The following FGF10 variants were observed in gnomAD, a reference collection of about 807,000 sequenced individuals.
The protein encoded by FGF10 is fibroblast growth factor 10, also known as FGF-10.
A neutral mutation model predicts 19.8 loss-of-function variants in FGF10; 2 were observed. The ratio of observed to expected loss-of-function variants is 0.10; its 90% CI spans 0.04 to 0.32. The LOEUF (loss-of-function observed/expected upper bound fraction) is 0.32. Among genes scored for constraint, FGF10 ranks in the 10% least tolerant of loss-of-function variants. FGF10 has a pLI of 1.00. For synonymous variants in FGF10, 112 were observed against 94.0 expected, an observed-to-expected ratio of 1.19 and a Z score of -1.10; for missense variants, 191 against 246.3, an observed-to-expected ratio of 0.78 and a Z score of 1.50.
intron 1 of FGF10, among the ~76,000 whole-genome samples, chr5:44,345,321 G>A (rs1579920675): frequency 1.3e-5 from 2 of 150,514 alleles, no homozygotes; most frequent in East Asian, 3.9e-4. Flanking sequence ...TGAACAAATA[G>A]AATTTAACCA....
intron 1 of FGF10, among the ~76,000 whole-genome samples, chr5:44,349,453 T>TAAGAATATATATATATATCAGA (rs1741179331): frequency 1.7e-4 from 4 of 23,070 alleles, no homozygotes; most frequent in South Asian, 1.6e-3. Flanking sequence ...TATATATATA[T>TAAGAATATATATATATATCAGA]ATATATATAT....
chr5:44,321,791 T>G (rs1740496595), intron 1 of FGF10, among the ~76,000 whole-genome samples: 1 of 152,166 alleles, frequency 6.6e-6, no homozygotes, highest in Admixed American at 6.5e-5. Context: ...AGACAGAATC[T>G]CACTCTGTTG....
intron 1 of FGF10, among the ~76,000 whole-genome samples, chr5:44,346,271 T>C (rs976652328): frequency 6.6e-6 from 1 of 151,774 alleles, no homozygotes; most frequent in African/African-American, 2.4e-5. Context: ...GTCAGTGCTA[T>C]CCAAAACCAT....
In FGF10 at chr5:44,312,842, G is replaced by T. The variant is rs1579896040; in HGVS notation, c.326-2312C>A. Among the ~76,000 whole-genome samples the T allele has an allele frequency of 2.0e-5, 3 of 152,186 alleles. No individual in the cohort carries two copies. The East Asian group carries it at 5.8e-4, about 29-fold the overall frequency. On this transcript the variant is annotated intron_variant, in intron 1 of 2. Coordinates refer to ENST00000264664, the MANE Select transcript of FGF10 (RefSeq NM_004465.2). ...AAAATAAACCAATATTTGTGAAGGTGCATGCAACGTCCTGGGATTAAACTA... is the reference window on the plus strand; with the variant it reads ...AAAATAAACCAATATTTGTGAAGGTTCATGCAACGTCCTGGGATTAAACTA...
chr5:44,366,021 T>C (rs1373362060), intron 1 of FGF10, among the ~76,000 whole-genome samples: 1 of 151,892 alleles, frequency 6.6e-6, no homozygotes, highest in African/African-American at 2.4e-5. Context: ...TCACCTTTGA[T>C]TTGATCTTTT....
At chr5:44,353,010 T>C (rs1741269628) in intron 1 of FGF10, among the ~76,000 whole-genome samples, 1 of 151,646 alleles carries the variant, frequency 6.6e-6, no homozygotes, top group South Asian at 2.1e-4. Context: ...TTTCTTAGTA[T>C]GACACAATGC....
At chr5:44,367,515 A>G (rs1005097343) in intron 1 of FGF10, among the ~76,000 whole-genome samples, 1 of 152,032 alleles carries the variant, frequency 6.6e-6, no homozygotes, top group Admixed American at 6.6e-5. Flanking sequence ...ACAGGAACTG[A>G]AGCCATACTA....
At position 44,301,117 on chromosome 5, in the gene FGF10, T is replaced by C; in HGVS notation, c.*3878A>G. ...GAGCATCCTTCAAAGATATTCCTCT[T>C]CCTTTTTATTTTTTTTTCAGTTTAA... On this transcript the variant is annotated 3_prime_UTR_variant, in exon 3 of 3. Transcript: ENST00000264664. 6.6e-6 allele frequency among the ~76,000 whole-genome samples: 1 copy of C among 152,074 alleles called. No homozygotes were observed. Among genetic ancestry groups the C allele is most frequent in the East Asian group, 1.9e-4 (1 of 5,182 alleles).
At chr5:44,307,574 TC>T (rs1423293990) in intron 2 of FGF10, among the ~76,000 whole-genome samples, 1 of 152,112 alleles carries the variant, frequency 6.6e-6, no homozygotes, top group Non-Finnish European at 1.5e-5. Flanking sequence ...GGAAGATAAT[TC>T]AAGAGAATAG....
chr5:44,369,218 C>A (rs921616863), intron 1 of FGF10, among the ~76,000 whole-genome samples: 2 of 152,072 alleles, frequency 1.3e-5, no homozygotes, highest in Non-Finnish European at 2.9e-5. Flanking sequence ...AACTGAAACT[C>A]AAATAATCTC....
chr5:44,339,005 T>C (rs1057125820), intron 1 of FGF10, among the ~76,000 whole-genome samples: 4 of 152,206 alleles, frequency 2.6e-5, no homozygotes, highest in Non-Finnish European at 5.9e-5. Context: ...TCTGATTTCC[T>C]GTTCATTTAA....
intron 1 of FGF10, among the ~76,000 whole-genome samples, chr5:44,345,613 G>C (rs1219817425): frequency 1.6e-5 from 2 of 127,626 alleles, no homozygotes; most frequent in East Asian, 4.6e-4. Context: ...TTGTTTCACT[G>C]TTCATTCCCT....
Position 44,302,654 on chromosome 5 carries a change from T to C in FGF10, c.*2341A>G, listed in dbSNP as rs1248753153. Reference sequence around the variant, plus strand: ...TGCTGGGATTACAGGTGTGAGCTACTGCACCAGGCAGGTTTTTTGTCTTTC... The same window carrying C: ...TGCTGGGATTACAGGTGTGAGCTACCGCACCAGGCAGGTTTTTTGTCTTTC... On this transcript the variant is annotated 3_prime_UTR_variant, in exon 3 of 3. Coordinates refer to ENST00000264664, the MANE Select transcript of FGF10 (RefSeq NM_004465.2). Among the ~76,000 whole-genome samples the C allele has an allele frequency of 6.6e-6, 1 of 152,170 alleles. No homozygotes were observed. The highest frequency in any genetic ancestry group is 6.6e-5 in the Admixed American group (1 of 15,266).
chr5:44,309,956 G>A (rs939005478), intron 2 of FGF10, among the ~76,000 whole-genome samples: 14 of 152,038 alleles, frequency 9.2e-5, no homozygotes, highest in African/African-American at 1.2e-4. Flanking sequence ...AGAGTTGATT[G>A]AACAACAAGC....
chr5:44,322,103 G>A (rs1479173784), intron 1 of FGF10, among the ~76,000 whole-genome samples: 4 of 152,084 alleles, frequency 2.6e-5, no homozygotes, highest in African/African-American at 9.7e-5. Context: ...GCTTTTTAAA[G>A]GTAGATCCCT....
At chr5:44,375,071 G>T (rs961761721) in intron 1 of FGF10, among the ~76,000 whole-genome samples, 2 of 152,068 alleles carry the variant, frequency 1.3e-5, no homozygotes, top group African/African-American at 2.4e-5. Context: ...TCCAGACCAG[G>T]TGACTGAACT....
chr5:44,318,089 A>T (rs1398002386), intron 1 of FGF10, among the ~76,000 whole-genome samples: 5 of 151,766 alleles, frequency 3.3e-5, no homozygotes, highest in African/African-American at 1.2e-4. Flanking sequence ...AAACAAAAAA[A>T]CAACAACTAC....
intron 2 of FGF10, among the ~76,000 whole-genome samples, chr5:44,309,089 T>C (rs1003650352): frequency 2.6e-5 from 4 of 152,208 alleles, no homozygotes; most frequent in Admixed American, 6.6e-5. Context: ...CCTTTTTGAT[T>C]ACATAAAAAT....
In FGF10 at chr5:44,320,736, T is replaced by G. The variant is rs375506444; in HGVS notation, c.326-10206A>C. Among the ~76,000 whole-genome samples, 158 of 152,248 alleles carry G rather than the reference T, an allele frequency of 1.0e-3. 3 individuals are homozygous for G. The highest frequency in any genetic ancestry group is 3.6e-3 in the African/African-American group (150 of 41,544). ...TCTTTTTTTTTCTTTTTCTCTACTT[T>G]TTTTTTCTTTTTGAGGTAGGGTCTC... On this transcript the variant is annotated intron_variant, in intron 1 of 2. Coordinates refer to ENST00000264664, the MANE Select transcript of FGF10 (RefSeq NM_004465.2).
Sources: allele counts gnomAD v4.1 joint callset (sites outside exome capture counted in the v4.1 genomes callset), GRCh38; gene constraint gnomAD v4.1.1; transcripts MANE v1.5; gene names NCBI Gene and HGNC (gene_info 2026-07-23, HGNC 2026-07-21).